Variants in CASP5 observed in about 807,000 individuals in gnomAD.
CASP5 encodes the protein caspase-5.
Under a neutral mutation model 45.2 loss-of-function variants are expected in CASP5, and 42 were observed. The ratio of observed to expected loss-of-function variants is 0.93; its 90% confidence interval spans 0.73 to 1.20. The LOEUF is 1.20. Ranked by LOEUF, CASP5 falls within the 50% of genes most tolerant of loss-of-function variation. The pLI is 0.00. For synonymous variants in CASP5, 209 were observed against 186.2 expected (o/e 1.12, Z -1.00); for missense variants, 512 against 532.2 (o/e 0.96, Z 0.37).
intron 1 of CASP5, among the ~76,000 whole-genome samples, chr11:105,009,439 T>C (rs1207104246): frequency 1.3e-5 from 2 of 151,654 alleles, no homozygotes; most frequent in Non-Finnish European, 3.0e-5. Context: ...GAATTTGTGT[T>C]TTTTAACACA....
chr11:104,995,597 A>G (rs1274956602), intron 9 of CASP5, 143 bp downstream of exon 9: 2 of 516,124 alleles, frequency 3.9e-6, no homozygotes, highest in South Asian at 3.5e-5. Flanking sequence ...AGAATAAAAA[A>G]GAGCAAATAA....
intron 8 of CASP5, among the ~76,000 whole-genome samples, chr11:104,996,298 T>C (rs1172154182): frequency 6.6e-6 from 1 of 152,192 alleles, no homozygotes; most frequent in Non-Finnish European, 1.5e-5. Context: ...CTCTGAAATC[T>C]TATGCATGGA....
At chr11:105,003,204 A>G in intron 4 of CASP5, 70 bp downstream of exon 4, 2 of 979,948 alleles carry the variant, frequency 2.0e-6, no homozygotes, top group Non-Finnish European at 3.2e-6. Context: ...CATTTTTAAA[A>G]ATGTGCATTG....
intron 3 of CASP5, among the ~76,000 whole-genome samples, chr11:105,005,354 ATATGTGTGTG>A (rs908749705): frequency 1.8e-5 from 2 of 113,948 alleles, no homozygotes; most frequent in Admixed American, 9.3e-5. Flanking sequence ...GTGTATATAT[ATATGTGTGTG>A]TGTGTGTGTG....
chr11:105,009,752 T>C (rs373580184), intron 1 of CASP5, among the ~76,000 whole-genome samples: 25 of 80,616 alleles, frequency 3.1e-4, no homozygotes, highest in African/African-American at 8.0e-4. Context: ...TATATATATA[T>C]ATATATACAC....
chr11:105,012,788 A>T (rs765795888), intron 1 of CASP5, among the ~76,000 whole-genome samples: 5 of 151,916 alleles, frequency 3.3e-5, no homozygotes, highest in Non-Finnish European at 7.4e-5. Context: ...GATGTAGAGA[A>T]AAAGGAACTC....
intron 1 of CASP5, among the ~76,000 whole-genome samples, chr11:105,017,727 ACT>A (rs370835138): frequency 0.094 from 14,259 of 152,022 alleles, 912 homozygotes; most frequent in Admixed American, 0.21. Flanking sequence ...GTTGGAAAAC[ACT>A]CTGCAGGATA....
At chr11:105,010,458 G>C (rs138420906) in intron 1 of CASP5, among the ~76,000 whole-genome samples, 3 of 109,968 alleles carry the variant, frequency 2.7e-5, no homozygotes, top group African/African-American at 7.5e-5. Flanking sequence ...TTATTATACT[G>C]ATATAATAAA....
intron 5 of CASP5, among the ~76,000 whole-genome samples, chr11:105,001,098 A>G (rs937432118): frequency 1.3e-5 from 2 of 152,184 alleles, no homozygotes; most frequent in Non-Finnish European, 1.5e-5. Context: ...CTCCCCACAG[A>G]GGCTTTTCTG....
chr11:105,023,137 A>C lies in CASP5; in HGVS notation c.-1T>G. The C allele has an allele frequency of 6.4e-7, 1 of 1,551,134 alleles. No individual in the cohort carries two copies. The highest frequency in any genetic ancestry group is 1.2e-5 in the South Asian group (1 of 84,044). On this transcript the variant is annotated 5_prime_UTR_variant, in exon 1 of 10. Transcript: ENST00000260315. ...AAAAGGGCCCAGACTCACCAGCCAT[A>C]GCTAACAGCCTCTGTCTCTTTGTAC...
At chr11:104,999,970 G>A (rs1861645613) in intron 6 of CASP5, among the ~76,000 whole-genome samples, 1 of 152,170 alleles carries the variant, frequency 6.6e-6, no homozygotes, top group African/African-American at 2.4e-5. Flanking sequence ...TCATGTAAAT[G>A]ATTCCATTTC....
chr11:104,997,289 T>C, intron 8 of CASP5, 94 bp downstream of exon 8: 2 of 933,964 alleles, frequency 2.1e-6, no homozygotes, highest in Non-Finnish European at 1.7e-6. Flanking sequence ...TTTGCTTGCC[T>C]GAAAAACTGT....
intron 1 of CASP5, among the ~76,000 whole-genome samples, chr11:105,020,101 C>G (rs1258240513): frequency 6.9e-6 from 1 of 145,792 alleles, no homozygotes; most frequent in Admixed American, 7.3e-5. Flanking sequence ...TGACAAAATT[C>G]AACAACGCTT....
intron 2 of CASP5, among the ~76,000 whole-genome samples, chr11:105,008,280 G>A (rs1202924435): frequency 1.3e-5 from 2 of 152,096 alleles, no homozygotes; most frequent in African/African-American, 4.8e-5. Context: ...AAACACTGGA[G>A]CAGAATTGTT....
rs45589332 is a variant in CASP5, at chr11:104,994,663, T to C, written c.*5-316A>G. Among the ~76,000 whole-genome samples the C allele has an allele frequency of 7.0e-3, 1,071 of 152,316 alleles. 13 individuals are homozygous for C. Among genetic ancestry groups the C allele is most frequent in the Middle Eastern group, 0.041 (12 of 294 alleles). The stretch of plus-strand genomic sequence containing the variant: ...GCTCCTCACTGTTTCTCCTAATTTG[T>C]CTCTGTCAGTTCCCTCACTTGCATT... On this transcript the variant is annotated intron_variant, in intron 9 of 9. Coordinates refer to ENST00000260315, the MANE Select transcript of CASP5 (RefSeq NM_004347.5).
intron 1 of CASP5, among the ~76,000 whole-genome samples, chr11:105,014,721 C>A (rs117255109): frequency 1.7e-3 from 261 of 152,312 alleles, no homozygotes; most frequent in Non-Finnish European, 2.9e-3. Context: ...GTGAAAAATA[C>A]TCTGCTAGTT....
At position 105,022,935 on chromosome 11, in the gene CASP5, A is replaced by G. The variant is rs117384208; in HGVS notation, c.7+195T>C. Among the ~76,000 whole-genome samples the G allele has an allele frequency of 1.1e-3, 167 of 151,274 alleles. 2 individuals are homozygous for G. In the East Asian group the frequency reaches 0.029, roughly 27 times the overall value. Reference sequence around the variant, plus strand: ...ACCTTTTTCTGGCTTGAAAACATCTAGAGAACATACTCTCCTTCAGTGTCT... The same window carrying G: ...ACCTTTTTCTGGCTTGAAAACATCTGGAGAACATACTCTCCTTCAGTGTCT... On this transcript the variant is annotated intron_variant, in intron 1 of 9. Coordinates refer to ENST00000260315, the MANE Select transcript of CASP5 (RefSeq NM_004347.5).
At chr11:105,009,790 CACGTATAT>C (rs1565388250) in intron 1 of CASP5, among the ~76,000 whole-genome samples, 4,342 of 112,858 alleles carry the variant, frequency 0.038, 334 homozygotes, top group African/African-American at 0.14. Flanking sequence ...TATATATACA[CACGTATAT>C]ATATATATAC....
chr11:105,008,692 T>C (rs1312370660), intron 2 of CASP5, 115 bp downstream of exon 2: 1 of 733,468 alleles, frequency 1.4e-6, no homozygotes, highest in Admixed American at 2.8e-5. Flanking sequence ...TTGGTGAAAA[T>C]GATAGTTTCA....
Sources: allele counts gnomAD v4.1 joint callset (sites outside exome capture counted in the v4.1 genomes callset), GRCh38; gene constraint gnomAD v4.1.1; transcripts MANE v1.5; gene names NCBI Gene and HGNC (gene_info 2026-07-23, HGNC 2026-07-21).